LUZP2: variants seen among roughly 807,000 people sequenced by gnomAD.
LUZP2 encodes leucine zipper protein 2.
A neutral mutation model predicts 51.6 loss-of-function variants in LUZP2; 52 were observed. The observed-to-expected ratio is 1.01, with a 90% CI of 0.81 to 1.27. LUZP2 has a LOEUF of 1.27. Among genes scored for constraint, LUZP2 ranks in the 50% most tolerant of loss-of-function variants. The pLI is 0.00. For missense variants in LUZP2, 436 were observed against 395.4 expected (o/e 1.10, Z -0.87); for synonymous variants, 154 against 137.3 (o/e 1.12, Z -0.85).
intron 5 of LUZP2, among the ~76,000 whole-genome samples, chr11:24,855,876 A>G (rs936776378): frequency 6.6e-6 from 1 of 152,204 alleles, no homozygotes; most frequent in African/African-American, 2.4e-5. Flanking sequence ...AAACTTTTCA[A>G]TAAATGGTGC....
chr11:24,711,261 A>G (rs1406501010), intron 1 of LUZP2, among the ~76,000 whole-genome samples: 1 of 137,014 alleles, frequency 7.3e-6, no homozygotes, highest in Non-Finnish European at 1.6e-5. Context: ...CATCCTGGCT[A>G]ACACGGTGAA....
intron 1 of LUZP2, among the ~76,000 whole-genome samples, chr11:24,702,794 C>A (rs1857456444): frequency 6.6e-6 from 1 of 151,542 alleles, no homozygotes; most frequent in Non-Finnish European, 1.5e-5. Flanking sequence ...GTTGTCATTT[C>A]AGATTTAAAA....
At chr11:24,764,436 G>A (rs1005574611) in intron 5 of LUZP2, among the ~76,000 whole-genome samples, 3 of 145,994 alleles carry the variant, frequency 2.1e-5, no homozygotes, top group African/African-American at 7.6e-5. Flanking sequence ...TGGGAGGATC[G>A]CTTGAGCCCA....
At chr11:25,039,790 A>T (rs1016404293) in intron 9 of LUZP2, among the ~76,000 whole-genome samples, 1 of 152,100 alleles carries the variant, frequency 6.6e-6, no homozygotes, top group African/African-American at 2.4e-5. Flanking sequence ...AATTTTTAAA[A>T]TTTTTTATTG....
chr11:24,602,990 A>G (rs991090132), intron 1 of LUZP2, among the ~76,000 whole-genome samples: 1 of 151,816 alleles, frequency 6.6e-6, no homozygotes. Flanking sequence ...CAGAATATCT[A>G]AGTTTCATAA....
chr11:24,666,136 T>A (rs554008940), intron 1 of LUZP2, among the ~76,000 whole-genome samples: 1 of 152,068 alleles, frequency 6.6e-6, no homozygotes, highest in African/African-American at 2.4e-5. Context: ...CAGGAGGAGC[T>A]AGAAATGGGG....
In LUZP2 at chr11:25,045,643, T is replaced by TA. The variant is rs563644006; in HGVS notation, c.766-4395_766-4394insA. ...TAAGTGAGCATGAAAAGGATCCATC[T>TA]GCTACATAGTTTTATTTTTAGGAAT... On this transcript the variant is annotated intron_variant, in intron 9 of 11. Transcript: ENST00000336930. Among the ~76,000 whole-genome samples, 24 of 152,286 alleles carry TA rather than the reference T, an allele frequency of 1.6e-4. 1 individual carries two copies. In the South Asian group the frequency reaches 4.6e-3, roughly 29 times the overall value.
chr11:24,730,500 C>T (rs1311583175), intron 2 of LUZP2, among the ~76,000 whole-genome samples: 1 of 151,584 alleles, frequency 6.6e-6, no homozygotes, highest in Non-Finnish European at 1.5e-5. Context: ...TGGAAGCATG[C>T]ACAGAGCATT....
intron 5 of LUZP2, among the ~76,000 whole-genome samples, chr11:24,764,148 A>G (rs1590474870): frequency 6.6e-6 from 1 of 152,200 alleles, no homozygotes; most frequent in African/African-American, 2.4e-5. Flanking sequence ...AAACGAGATT[A>G]AAGTCAGTTT....
At chr11:25,037,130 G>A (rs763557105) in intron 9 of LUZP2, among the ~76,000 whole-genome samples, 3 of 152,060 alleles carry the variant, frequency 2.0e-5, no homozygotes, top group Non-Finnish European at 4.4e-5. Context: ...CTAAATCTGG[G>A]TGCTTCAGTG....
rs928898046 is a variant in LUZP2 at position 24,892,083 on chromosome 11, A to T, written c.397-13908A>T. ...CCACTGGGAGCTGAAGCCAGGGCTCATGGTCACTCGTGACTTACTAGTTTG... is the reference window on the plus strand; with the variant it reads ...CCACTGGGAGCTGAAGCCAGGGCTCTTGGTCACTCGTGACTTACTAGTTTG... On this transcript the variant is annotated intron_variant, in intron 5 of 11. Coordinates refer to ENST00000336930, the MANE Select transcript of LUZP2 (RefSeq NM_001009909.4). 1.4e-4 allele frequency: 137 copies of T among 985,614 alleles called. 1 individual carries two copies. In the African/African-American group the frequency reaches 2.3e-3, roughly 17 times the overall value. 61.1% of individuals were successfully genotyped at this position (985,614 alleles called of 1,614,324 possible). A position where few individuals can be genotyped will look rare whatever the true frequency, so the allele number is the denominator to read the frequency against.
intron 1 of LUZP2, among the ~76,000 whole-genome samples, chr11:24,601,866 G>GTATATGTATACATGTATATATGTATA (rs1565019482): frequency 5.6e-5 from 6 of 106,906 alleles, no homozygotes; most frequent in African/African-American, 2.1e-4. Context: ...ATATATATGT[G>GTATATGTATACATGTATATATGTATA]TATATGTATA....
chr11:24,525,714 A>C (rs116758713), intron 1 of LUZP2, among the ~76,000 whole-genome samples: 4,867 of 151,184 alleles, frequency 0.032, 206 homozygotes, highest in African/African-American at 0.098. Context: ...CTCTCTCTAT[A>C]TATATATATA....
At chr11:24,863,873 T>C (rs1851810702) in intron 5 of LUZP2, among the ~76,000 whole-genome samples, 1 of 152,172 alleles carries the variant, frequency 6.6e-6, no homozygotes, top group African/African-American at 2.4e-5. Context: ...GATATCATAA[T>C]TGAGATTCAT....
At chr11:24,716,670 A>G (rs900383748) in intron 1 of LUZP2, among the ~76,000 whole-genome samples, 1 of 152,118 alleles carries the variant, frequency 6.6e-6, no homozygotes, top group African/African-American at 2.4e-5. Context: ...TCCAAGGCGG[A>G]CGGATCACCT....
At chr11:25,050,942 A>G (rs1414820113) in intron 10 of LUZP2, among the ~76,000 whole-genome samples, 1 of 152,148 alleles carries the variant, frequency 6.6e-6, no homozygotes, top group African/African-American at 2.4e-5. Flanking sequence ...ATGGAATTTT[A>G]TTTTTTTGAA....
intron 4 of LUZP2, among the ~76,000 whole-genome samples, chr11:24,752,318 A>G (rs576718382): frequency 3.3e-5 from 5 of 152,328 alleles, no homozygotes; most frequent in African/African-American, 9.6e-5. Context: ...TAAGAAGACA[A>G]TAAAGCAATG....
chr11:24,854,490 G>A (rs925728322), intron 5 of LUZP2, among the ~76,000 whole-genome samples: 1 of 152,150 alleles, frequency 6.6e-6, no homozygotes, highest in Non-Finnish European at 1.5e-5. Context: ...GAGCATACCA[G>A]GTTGTCTTCA....
intron 1 of LUZP2, among the ~76,000 whole-genome samples, chr11:24,615,208 A>G (rs1210749549): frequency 1.3e-5 from 2 of 151,956 alleles, no homozygotes; most frequent in Non-Finnish European, 1.5e-5. Context: ...ATAAAACTAT[A>G]GTATCACAAG....
Sources: allele counts gnomAD v4.1 joint callset (sites outside exome capture counted in the v4.1 genomes callset), GRCh38; gene constraint gnomAD v4.1.1; transcripts MANE v1.5; gene names NCBI Gene and HGNC (gene_info 2026-07-23, HGNC 2026-07-21).